PARD3B: variants seen among roughly 807,000 people sequenced by gnomAD.
The protein encoded by PARD3B is par-3 family cell polarity regulator beta, also known as partitioning defective 3 homolog B.
Under a neutral mutation model 130.2 loss-of-function variants are expected in PARD3B, and 103 were observed. The ratio of observed to expected loss-of-function variants is 0.79; its 90% confidence interval spans 0.67 to 0.93. The LOEUF is 0.93. PARD3B is among the 40% of genes least tolerant of loss of function. The pLI is 0.00. For missense variants in PARD3B, 1,609 were observed against 1,499.2 expected (o/e 1.07, Z -1.21); for synonymous variants, 583 against 553.2 (o/e 1.05, Z -0.76).
chr2:204,590,010 A>T (rs1210552024), intron 1 of PARD3B, among the ~76,000 whole-genome samples: 2 of 152,178 alleles, frequency 1.3e-5, no homozygotes, highest in Non-Finnish European at 2.9e-5. Flanking sequence ...CCCACATATG[A>T]AATGGGAAGG....
intron 2 of PARD3B, among the ~76,000 whole-genome samples, chr2:204,742,417 C>T (rs543567617): frequency 2.6e-5 from 4 of 152,120 alleles, no homozygotes; most frequent in African/African-American, 7.2e-5. Context: ...AGCTGGAGAT[C>T]GATGGGCAAG....
Position 205,265,780 on chromosome 2 carries a change from T to G in PARD3B, c.2185+19958T>G, listed in dbSNP as rs1574543470. ...TATTGTAGTAAAGTTAAAAGATTAT[T>G]CAAATCTTTGGAATTTTCAGAGATG... On this transcript the variant is annotated intron_variant, in intron 16 of 22. Transcript: ENST00000406610. The surrounding 1 kb of genome is among the most constrained non-coding windows in gnomAD (Gnocchi z 4.3). 1.3e-5 allele frequency among the ~76,000 whole-genome samples: 2 copies of G among 152,042 alleles called. No homozygotes were observed. Among genetic ancestry groups the G allele is most frequent in the African/African-American group, 4.8e-5 (2 of 41,448 alleles).
chr2:205,541,594 C>T lies in PARD3B; in HGVS notation c.3181-11730C>T, dbSNP rs183082954. Among the ~76,000 whole-genome samples the T allele has an allele frequency of 2.5e-3, 376 of 152,136 alleles. 2 individuals are homozygous for T. Among genetic ancestry groups the T allele is most frequent in the African/African-American group, 8.9e-3 (368 of 41,530 alleles). ...AAATTCCTGGCCTCAAGTGATTGCC[C>T]GCCTCAGCCTCCCAAAGTGCTGGGA... On this transcript the variant is annotated intron_variant, in intron 21 of 22. Transcript: ENST00000406610.
intron 22 of PARD3B, among the ~76,000 whole-genome samples, chr2:205,580,770 GT>G (rs1481286737): frequency 6.6e-6 from 1 of 152,072 alleles, no homozygotes. Context: ...TCTACCAATG[GT>G]TGCTGCATTC....
chr2:205,499,812 C>A, intron 20 of PARD3B, 84 bp from the exon 21 acceptor site: 1 of 1,349,630 alleles, frequency 7.4e-7, no homozygotes, highest in South Asian at 1.6e-5. Context: ...ATTTAGATGT[C>A]AACTCCTTTA....
intron 3 of PARD3B, among the ~76,000 whole-genome samples, chr2:205,036,916 G>A (rs1185733824): frequency 6.8e-6 from 1 of 147,892 alleles, no homozygotes; most frequent in East Asian, 2.0e-4. Flanking sequence ...ATAGCGGACT[G>A]TATATATAAA....
rs547906351 is a variant in PARD3B, at chr2:205,113,486, C to T, written c.594-5C>T. On this transcript the variant is annotated splice_region_variant and splice_polypyrimidine_tract_variant and intron_variant, in intron 5 of 22. Transcript: ENST00000406610. ...CATTTGTGCTCTTGTTTTTTTCTGC[C>T]CCAGTGATATGACAAGAACAGTGGA... is the stretch of plus-strand genomic sequence containing the variant. 3.1e-6 allele frequency: 5 copies of T among 1,608,154 alleles called. No individual in the cohort carries two copies. The highest frequency in any genetic ancestry group is 2.7e-5 in the African/African-American group (2 of 74,458).
intron 15 of PARD3B, among the ~76,000 whole-genome samples, chr2:205,199,172 G>A (rs923823826): frequency 1.3e-5 from 2 of 152,134 alleles, no homozygotes; most frequent in Admixed American, 6.6e-5. Flanking sequence ...GCCGGGAAGT[G>A]CATTAAACAC....
rs1251480232 is a variant in PARD3B at position 205,013,664 on chromosome 2, CA to C, written c.395-33913del. Among the ~76,000 whole-genome samples, 12 of 152,246 alleles carry C rather than the reference CA, an allele frequency of 7.9e-5. No homozygotes were observed. In the East Asian group the frequency reaches 2.3e-3, roughly 29 times the overall value. ...ACTCAGAAATACATAGGAACAGAAA[CA>C]AAAGCAAAAAATCAGTATCGACTGC... is the stretch of plus-strand genomic sequence containing the variant. On this transcript the variant is annotated intron_variant, in intron 3 of 22. Transcript: ENST00000406610.
intron 2 of PARD3B, among the ~76,000 whole-genome samples, chr2:204,781,122 C>T (rs2041822030): frequency 1.3e-5 from 2 of 152,184 alleles, no homozygotes; most frequent in Admixed American, 1.3e-4. Context: ...GATTTGCTTC[C>T]ATGTTACAAC....
chr2:205,213,966 C>G (rs1362459171), intron 15 of PARD3B, among the ~76,000 whole-genome samples: 1 of 152,104 alleles, frequency 6.6e-6, no homozygotes, highest in East Asian at 1.9e-4. Flanking sequence ...CATGTGAATT[C>G]ACTTGCACCA....
intron 22 of PARD3B, among the ~76,000 whole-genome samples, chr2:205,604,325 A>G (rs2054903336): frequency 6.6e-6 from 1 of 152,162 alleles, no homozygotes; most frequent in East Asian, 1.9e-4. Context: ...GGTGGGAGGC[A>G]AGGAGGAGCA....
chr2:205,103,232 TATTTTATATTTATGTAAAAAAC>T (rs1187322857), intron 4 of PARD3B, among the ~76,000 whole-genome samples: 1,827 of 124,578 alleles, frequency 0.015, 54 homozygotes, highest in African/African-American at 0.02. Flanking sequence ...AAAATAAACA[TATTTTATATTTATGTAAAAAAC>T]ATTTTATATT....
At chr2:204,871,120 T>C (rs1259292262) in intron 2 of PARD3B, among the ~76,000 whole-genome samples, 1 of 152,174 alleles carries the variant, frequency 6.6e-6, no homozygotes, top group East Asian at 1.9e-4. Context: ...TCTTCCTGGC[T>C]CTCTTTAATT....
Position 205,229,773 on chromosome 2 carries a change from G to T in PARD3B, c.2141-16005G>T, listed in dbSNP as rs558831516. Among the ~76,000 whole-genome samples, 1 of 152,088 alleles carries T rather than the reference G, an allele frequency of 6.6e-6. No homozygotes were observed. Among genetic ancestry groups the T allele is most frequent in the African/African-American group, 2.4e-5 (1 of 41,430 alleles). ...GACAGCAAGGTCCCCCTGGCCTCGA[G>T]TGAGTCCACAGATGCCGTCCAGGAG... On this transcript the variant is annotated intron_variant, in intron 15 of 22. Transcript: ENST00000406610. The surrounding 1 kb of genome is among the most constrained non-coding windows in gnomAD (Gnocchi z 5.2).
chr2:205,108,681 G>A (rs1008732412), intron 5 of PARD3B, among the ~76,000 whole-genome samples: 2 of 151,976 alleles, frequency 1.3e-5, no homozygotes, highest in Non-Finnish European at 2.9e-5. Context: ...CCTAATCCCA[G>A]CTTCCCTTCC....
chr2:205,460,391 T>C lies in PARD3B; in HGVS notation c.3044+19719T>C, dbSNP rs1274204025. 3.2e-5 allele frequency among the ~76,000 whole-genome samples: 4 copies of C among 126,428 alleles called. No individual in the cohort carries two copies. The highest frequency in any genetic ancestry group is 4.9e-5 in the Non-Finnish European group (3 of 61,270). The allele number at this position is 126,428 out of a possible 152,430, so 82.9% of individuals were successfully genotyped here. A position where few individuals can be genotyped will look rare whatever the true frequency, so the allele number is the denominator to read the frequency against. ...GGATTATCAAGACTAAGGATGTTGA[T>C]AGTGATGATGATGATGATGATGATG... On this transcript the variant is annotated intron_variant, in intron 20 of 22. Transcript: ENST00000406610. The surrounding 1 kb of genome is among the most constrained non-coding windows in gnomAD (Gnocchi z 4.9).
intron 3 of PARD3B, among the ~76,000 whole-genome samples, chr2:205,004,348 G>A (rs1487027666): frequency 6.6e-6 from 1 of 152,190 alleles, no homozygotes; most frequent in South Asian, 2.1e-4. Context: ...TAAATGATTT[G>A]AAGAGTGAGG....
At chr2:205,513,664 G>A (rs1175603608) in intron 21 of PARD3B, among the ~76,000 whole-genome samples, 2 of 152,058 alleles carry the variant, frequency 1.3e-5, no homozygotes, top group African/African-American at 2.4e-5. Flanking sequence ...TGGTTCCTTA[G>A]TCATGCATTC....
Sources: gnomAD v4.1 joint callset for allele counts (sites outside exome capture counted in the v4.1 genomes callset) on GRCh38, gnomAD v4.1.1 for gene constraint, Gnocchi (gnomAD v3.1) non-coding constraint, MANE v1.5 for transcripts, NCBI Gene and HGNC (gene_info 2026-07-23, HGNC 2026-07-21) for gene names.